Variants in USP13 observed in about 807,000 individuals in gnomAD.
The protein encoded by USP13 is ubiquitin carboxyl-terminal hydrolase 13.
Under a neutral mutation model 107.8 loss-of-function variants are expected in USP13, and 68 were observed. That is an observed-to-expected ratio of 0.63 (90% CI 0.52 to 0.77). The LOEUF is 0.77. USP13 is among the 30% of genes least tolerant of loss of function. The probability of loss-of-function intolerance (pLI) is 0.00; values close to 1 mark genes in which losing one functional copy is unlikely to be tolerated. For missense variants in USP13, 945 were observed against 1,093.3 expected (o/e 0.86, Z 1.91); for synonymous variants, 377 against 389.5 (o/e 0.97, Z 0.38).
At chr3:179,778,557 C>T (rs115816587) in intron 19 of USP13, among the ~76,000 whole-genome samples, 21 of 152,092 alleles carry the variant, frequency 1.4e-4, no homozygotes, top group African/African-American at 1.7e-4. Context: ...TGAGGTCAGG[C>T]GTTCGAGACC....
chr3:179,765,352 TAAAC>T (rs1337927753), intron 18 of USP13, among the ~76,000 whole-genome samples: 2 of 152,242 alleles, frequency 1.3e-5, no homozygotes, highest in East Asian at 1.9e-4. Context: ...GAGCTGCACT[TAAAC>T]AAATGCCATA....
intron 3 of USP13, among the ~76,000 whole-genome samples, chr3:179,696,030 A>ACTCCATAT (rs749248538): frequency 2.0e-5 from 3 of 152,070 alleles, no homozygotes; most frequent in Non-Finnish European, 4.4e-5. Flanking sequence ...CCTTCCAATA[A>ACTCCATAT]CTCCATATCT....
At chr3:179,702,113 G>A (rs1374939385) in intron 4 of USP13, among the ~76,000 whole-genome samples, 1 of 151,898 alleles carries the variant, frequency 6.6e-6, no homozygotes, top group Non-Finnish European at 1.5e-5. Context: ...TCCACCTCCC[G>A]GGTTCACGCC....
At chr3:179,775,611 C>G (rs372691682) in intron 19 of USP13, among the ~76,000 whole-genome samples, 21 of 152,202 alleles carry the variant, frequency 1.4e-4, no homozygotes, top group African/African-American at 4.8e-4. Flanking sequence ...AGGAGCCCAC[C>G]ACGGTGGGGG....
chr3:179,761,640 T>C (rs1275153086), intron 17 of USP13, among the ~76,000 whole-genome samples: 1 of 152,114 alleles, frequency 6.6e-6, no homozygotes, highest in Non-Finnish European at 1.5e-5. Flanking sequence ...GAGAATCGCT[T>C]GAACGCAGGA....
chr3:179,684,527 C>T (rs1357907178), intron 2 of USP13, among the ~76,000 whole-genome samples: 1 of 151,394 alleles, frequency 6.6e-6, no homozygotes, highest in African/African-American at 2.4e-5. Context: ...CCCAGGTGAC[C>T]ATGGTGCTCC....
intron 2 of USP13, among the ~76,000 whole-genome samples, chr3:179,682,626 TC>T (rs1711707706): frequency 6.6e-6 from 1 of 152,194 alleles, no homozygotes; most frequent in Admixed American, 6.5e-5. Context: ...TTGGAATCTG[TC>T]CATGTCGAGA....
At chr3:179,749,677 C>T (rs1714527860) in intron 13 of USP13, among the ~76,000 whole-genome samples, 1 of 152,114 alleles carries the variant, frequency 6.6e-6, no homozygotes, top group African/African-American at 2.4e-5. Context: ...ATGTGAACAC[C>T]ATCTAAATCT....
intron 1 of USP13, among the ~76,000 whole-genome samples, chr3:179,657,032 G>T (rs1720285405): frequency 1.3e-5 from 2 of 152,214 alleles, no homozygotes; most frequent in South Asian, 4.1e-4. Context: ...AGTCGTGAAG[G>T]AGAGAGCCCA....
At chr3:179,739,876 C>T (rs1277112829) in intron 10 of USP13, among the ~76,000 whole-genome samples, 6 of 152,148 alleles carry the variant, frequency 3.9e-5, no homozygotes, top group African/African-American at 9.6e-5. Flanking sequence ...TAACTTCCAT[C>T]GGAAACCTCT....
At chr3:179,701,219 T>C in intron 4 of USP13, 90 bp downstream of exon 4, 1 of 76,932 alleles carries the variant, frequency 1.3e-5, no homozygotes, top group Non-Finnish European at 2.8e-5. Context: ...GGGGGTGGGG[T>C]GGGGTGGGAA....
At chr3:179,672,320 A>C (rs982174055) in intron 1 of USP13, among the ~76,000 whole-genome samples, 3 of 152,170 alleles carry the variant, frequency 2.0e-5, no homozygotes, top group African/African-American at 7.2e-5. Context: ...GTATATTGAA[A>C]TGCATTGAAG....
At chr3:179,709,040 G>C (rs1279736294) in intron 6 of USP13, 83 bp downstream of exon 6, 12 of 1,494,092 alleles carry the variant, frequency 8.0e-6, no homozygotes, top group Non-Finnish European at 9.0e-7. Context: ...GTGGTTGGAA[G>C]GTGCAGGCTC....
chr3:179,750,915 C>T (rs1714588691), intron 13 of USP13, among the ~76,000 whole-genome samples: 1 of 152,138 alleles, frequency 6.6e-6, no homozygotes, highest in South Asian at 2.1e-4. Context: ...CGTGTTCTGT[C>T]CCTGCGCTGT....
At chr3:179,765,610 C>A in intron 18 of USP13, 85 bp from the exon 19 acceptor site, 1 of 1,506,642 alleles carries the variant, frequency 6.6e-7, no homozygotes, top group Non-Finnish European at 9.0e-7. Flanking sequence ...CCCTATCTGC[C>A]TGACATCTAG....
At chr3:179,764,205 G>C in intron 18 of USP13, 37 bp downstream of exon 18, 1 of 1,579,832 alleles carries the variant, frequency 6.3e-7, no homozygotes, top group Non-Finnish European at 8.6e-7. Context: ...GTGTGTGTGT[G>C]TGTGTGTGTG....
chr3:179,754,812 C>T lies in USP13; in HGVS notation c.1879C>T (p.Pro627Ser). ...RGLQPGEEEL[P>S]DISPPIVIPD... The stretch of plus-strand genomic sequence containing the variant: ...GTTACAGCCAGGAGAGGAAGAACTT[C>T]CAGACATCAGCCCCCCCATAGTCAT... The change falls in exon 15 of 21, where the codon CCA (proline) becomes TCA (serine). Residue 627 changes from proline to serine, a missense_variant. Physicochemically the swap from Pro to Ser is moderately conservative, Grantham distance 74. Coordinates refer to ENST00000263966, the MANE Select transcript of USP13 (RefSeq NM_003940.3). 4 of 1,613,104 alleles carry T rather than the reference C, an allele frequency of 2.5e-6. No individual in the cohort carries two copies. Among genetic ancestry groups the T allele is most frequent in the Non-Finnish European group, 3.4e-6 (4 of 1,179,670 alleles).
At chr3:179,675,314 G>T (rs181520035) in intron 1 of USP13, among the ~76,000 whole-genome samples, 14 of 151,872 alleles carry the variant, frequency 9.2e-5, no homozygotes, top group Non-Finnish European at 1.6e-4. Context: ...ACCATGTTTC[G>T]TATAAGTTGT....
rs142864295 is a variant in USP13 at position 179,778,567 on chromosome 3, C to T, written c.2414-3172C>T. 1.5e-3 allele frequency among the ~76,000 whole-genome samples: 226 copies of T among 152,224 alleles called. 2 individuals are homozygous for T. In the East Asian group the frequency reaches 0.025, roughly 17 times the overall value. ...TTACCTGAGGTCAGGCGTTCGAGAC[C>T]GGCCTGGCCAGCATGGCGAAACCCC... On this transcript the variant is annotated intron_variant, in intron 19 of 20. Transcript: ENST00000263966.
Sources: allele counts gnomAD v4.1 joint callset (sites outside exome capture counted in the v4.1 genomes callset), GRCh38; gene constraint gnomAD v4.1.1; transcripts MANE v1.5; gene names NCBI Gene and HGNC (gene_info 2026-07-23, HGNC 2026-07-21).